SLTM: variants seen among roughly 807,000 people sequenced by gnomAD.
SLTM encodes the protein SAFB-like transcription modulator.
SLTM carries 43 observed loss-of-function variants against 134.6 expected under a neutral mutation model. The observed-to-expected ratio is 0.32, with a 90% CI of 0.25 to 0.41. The LOEUF (loss-of-function observed/expected upper bound fraction) is 0.41. Ranked by LOEUF, SLTM falls within the 10% of genes least tolerant of loss-of-function variation. The probability of loss-of-function intolerance (pLI) is 1.00; values close to 1 mark genes in which losing one functional copy is unlikely to be tolerated. For missense variants in SLTM, 1,055 were observed against 1,288.8 expected (o/e 0.82, Z 2.78); for synonymous variants, 424 against 432.3 (o/e 0.98, Z 0.24).
chr15:58,894,721 T>TTTGAGA, intron 9 of SLTM, 139 bp from the exon 10 acceptor site: 1 of 822,896 alleles, frequency 1.2e-6, no homozygotes, highest in Non-Finnish European at 1.8e-6. Context: ...TTTTTTTTTT[T>TTTGAGA]TGAGATGGAG....
At chr15:58,889,091 C>G (rs959521997) in intron 16 of SLTM, 3 of 222,174 alleles carry the variant, frequency 1.4e-5, no homozygotes, top group Non-Finnish European at 2.7e-5. Context: ...TAGAATCTAT[C>G]TTTCAATCTC....
intron 2 of SLTM, among the ~76,000 whole-genome samples, chr15:58,920,415 G>T (rs747112730): frequency 6.6e-6 from 1 of 151,806 alleles, no homozygotes. Context: ...TCTGAGGTTA[G>T]GAGTTTGAGA....
intron 5 of SLTM, among the ~76,000 whole-genome samples, chr15:58,908,002 C>CGCGTGTGT (rs2035984596): frequency 2.1e-5 from 3 of 139,870 alleles, no homozygotes; most frequent in Non-Finnish European, 4.6e-5. Flanking sequence ...AAACATGCTG[C>CGCGTGTGT]GTGTGTGTGT....
chr15:58,915,553 A>T (rs1352228568), intron 3 of SLTM, among the ~76,000 whole-genome samples: 1 of 152,226 alleles, frequency 6.6e-6, no homozygotes, highest in Non-Finnish European at 1.5e-5. Context: ...ATATATAGTA[A>T]GGGTAACAGA....
chr15:58,930,201 T>C (rs750622063), intron 2 of SLTM, among the ~76,000 whole-genome samples: 1 of 151,678 alleles, frequency 6.6e-6, no homozygotes, highest in Non-Finnish European at 1.5e-5. Context: ...ACCTCCTGGG[T>C]TCAAGCGATT....
At chr15:58,926,177 C>T (rs2037451833) in intron 2 of SLTM, among the ~76,000 whole-genome samples, 1 of 152,140 alleles carries the variant, frequency 6.6e-6, no homozygotes, top group Non-Finnish European at 1.5e-5. Context: ...ATGACTAACG[C>T]AGAGTGCAGA....
intron 5 of SLTM, among the ~76,000 whole-genome samples, chr15:58,910,453 T>C (rs2036181521): frequency 6.6e-6 from 1 of 152,262 alleles, no homozygotes; most frequent in African/African-American, 2.4e-5. Context: ...CATCTTTTGA[T>C]ACAATATGGC....
intron 5 of SLTM, among the ~76,000 whole-genome samples, chr15:58,903,778 C>G (rs963596407): frequency 1.3e-5 from 2 of 151,456 alleles, no homozygotes; most frequent in Non-Finnish European, 2.9e-5. Flanking sequence ...GCTGGTACAG[C>G]GCAAACACTG....
Position 58,886,982 on chromosome 15 carries a change from C to G in SLTM, c.2828G>C (p.Gly943Ala). 6.2e-7 allele frequency: 1 copy of G among 1,612,348 alleles called. No individual in the cohort carries two copies. The highest frequency in any genetic ancestry group is 1.1e-5 in the South Asian group (1 of 90,994). Reference protein sequence around the residue: ...DRGVITDRGGGSQHYPEERHV... With the variant: ...DRGVITDRGGASQHYPEERHV... ...GCCTCCCGCAGCACTTACCTGTGAT[C>G]CACCTCCTCGGTCTGTGATGACTCC... is the stretch of plus-strand genomic sequence containing the variant. The change falls in exon 19 of 21, where the codon GGA (glycine) becomes GCA (alanine). Residue 943 changes from glycine (G) to alanine (A), a missense_variant. Physicochemically the swap from Gly to Ala is moderately conservative, Grantham distance 60 (BLOSUM62 0). Coordinates refer to ENST00000380516, the MANE Select transcript of SLTM (RefSeq NM_024755.4).
chr15:58,894,636 C>T (rs2034928936), intron 9 of SLTM, 54 bp from the exon 10 acceptor site: 28 of 1,510,974 alleles, frequency 1.9e-5, no homozygotes, highest in Non-Finnish European at 2.5e-5. Context: ...AGTACACAGA[C>T]TTCTAAATAC....
At chr15:58,901,388 T>C (rs2035478060) in intron 5 of SLTM, 101 bp from the exon 6 acceptor site, 1 of 946,530 alleles carries the variant, frequency 1.1e-6, no homozygotes, top group Non-Finnish European at 1.6e-6. Flanking sequence ...GATAATTTAA[T>C]GATATTATTT....
chr15:58,923,035 T>A (rs2037206688), intron 2 of SLTM, among the ~76,000 whole-genome samples: 1 of 152,090 alleles, frequency 6.6e-6, no homozygotes, highest in Admixed American at 6.6e-5. Context: ...ATTTTCTGAC[T>A]GATAATGGAG....
chr15:58,897,324 T>C, intron 8 of SLTM, 91 bp from the exon 9 acceptor site: 1 of 729,138 alleles, frequency 1.4e-6, no homozygotes, highest in Admixed American at 2.3e-5. Flanking sequence ...AACTATAATT[T>C]TGATAGTATG....
At chr15:58,929,317 G>A (rs940749107) in intron 2 of SLTM, among the ~76,000 whole-genome samples, 5 of 152,066 alleles carry the variant, frequency 3.3e-5, no homozygotes, top group Non-Finnish European at 7.4e-5. Context: ...GAGTGGTGGC[G>A]CATGCCTGTA....
chr15:58,887,917 G>A (rs2034353536), intron 17 of SLTM, among the ~76,000 whole-genome samples: 2 of 152,196 alleles, frequency 1.3e-5, no homozygotes, highest in South Asian at 4.1e-4. Context: ...TTGGAAGGCT[G>A]AGGTGGGTGG....
chr15:58,890,586 T>A, intron 14 of SLTM, 125 bp from the exon 15 acceptor site: 1 of 913,030 alleles, frequency 1.1e-6, no homozygotes, highest in Non-Finnish European at 1.6e-6. Context: ...TAAGTAGTTT[T>A]AATGTAATTG....
rs1482209590 is a variant in SLTM at position 58,912,424 on chromosome 15, T to C, written c.561+139A>G. The C allele has an allele frequency of 8.7e-6, 7 of 805,310 alleles. No homozygotes were observed. The Admixed American group carries it at 1.0e-4, about 12-fold the overall frequency. 49.9% of individuals were successfully genotyped at this position (805,310 alleles called of 1,614,324 possible). ...GACCTTGCCAATAGTTTTAAGTACTTTGTGTACATCACGTAAATAACTCAG... is the reference window on the plus strand; with the variant it reads ...GACCTTGCCAATAGTTTTAAGTACTCTGTGTACATCACGTAAATAACTCAG... On this transcript the variant is annotated intron_variant, in intron 5 of 20. Transcript: ENST00000380516.
At chr15:58,896,271 T>C (rs2035069188) in intron 9 of SLTM, among the ~76,000 whole-genome samples, 1 of 152,076 alleles carries the variant, frequency 6.6e-6, no homozygotes, top group South Asian at 2.1e-4. Flanking sequence ...TAGGTTTATA[T>C]ATTTAGGCGT....
rs1349939974 is a variant in SLTM, at chr15:58,879,567, A to G, written c.*432T>C. On this transcript the variant is annotated 3_prime_UTR_variant, in exon 21 of 21. Coordinates refer to ENST00000380516, the MANE Select transcript of SLTM (RefSeq NM_024755.4). ...AATGCAATGAACAATCTTATTCTCT[A>G]AAAATTAGACAGCTAAGACTTCTTA... 2 of 154,366 alleles carry G rather than the reference A, an allele frequency of 1.3e-5. No individual in the cohort carries two copies. The highest frequency in any genetic ancestry group is 4.8e-5 in the African/African-American group (2 of 41,496). 9.6% of individuals were successfully genotyped at this position (154,366 alleles called of 1,614,324 possible). A position where few individuals can be genotyped will look rare whatever the true frequency, so the allele number is the denominator to read the frequency against.
Sources: gnomAD v4.1 joint callset for allele counts (sites outside exome capture counted in the v4.1 genomes callset) on GRCh38, gnomAD v4.1.1 for gene constraint, MANE v1.5 for transcripts, NCBI Gene and HGNC (gene_info 2026-07-23, HGNC 2026-07-21) for gene names.